The following NNT variants were observed in gnomAD, a reference collection of about 807,000 sequenced individuals.
NNT encodes the protein NAD(P) transhydrogenase, mitochondrial.
Under a neutral mutation model 104.8 loss-of-function variants are expected in NNT, and 50 were observed. The observed-to-expected ratio is 0.48, with a 90% CI of 0.38 to 0.60. The LOEUF (loss-of-function observed/expected upper bound fraction) is 0.60, where lower values mean the gene tolerates loss of function less well. Ranked by LOEUF, NNT falls within the 20% of genes least tolerant of loss-of-function variation. The pLI is 0.00. For synonymous variants in NNT, 461 were observed against 490.4 expected (o/e 0.94, Z 0.79); for missense variants, 1,131 against 1,330.7 (o/e 0.85, Z 2.33).
rs139704810 is a variant in NNT, at chr5:43,671,335, G to A, written c.2635-4176G>A. ...ATTTGATCCTGTTATTATGATGTTA[G>A]CTGGTTATTTTGCTCGTTAGTTGAT... On this transcript the variant is annotated intron_variant, in intron 17 of 21. Transcript: ENST00000344920. 3.8e-3 allele frequency among the ~76,000 whole-genome samples: 574 copies of A among 152,260 alleles called. 8 individuals carry two copies. Among genetic ancestry groups the A allele is most frequent in the African/African-American group, 0.013 (547 of 41,536 alleles).
At position 43,706,394 on chromosome 5, in the gene NNT, T is replaced by G. The variant is rs1743094738; in HGVS notation, c.*1990T>G. The G allele has an allele frequency of 1.3e-5, 2 of 151,838 alleles. No individual in the cohort carries two copies. Among genetic ancestry groups the G allele is most frequent in the African/African-American group, 4.8e-5 (2 of 41,414 alleles). The allele number at this position is 151,838 out of a possible 1,614,324, so 9.4% of individuals were successfully genotyped here. On this transcript the variant is annotated 3_prime_UTR_variant, in exon 22 of 22. Transcript: ENST00000344920. The stretch of plus-strand genomic sequence containing the variant: ...GATATGACTTATTTTATTTTTGTAT[T>G]ATTCACTATATCTTTATGATATTTA...
intron 17 of NNT, among the ~76,000 whole-genome samples, chr5:43,661,683 A>G (rs1044837576): frequency 1.6e-4 from 24 of 150,520 alleles, no homozygotes; most frequent in African/African-American, 5.7e-4. Flanking sequence ...TTCTTGTGAT[A>G]GTTTACTGAG....
chr5:43,672,541 G>T (rs929051796), intron 17 of NNT, among the ~76,000 whole-genome samples: 3 of 152,226 alleles, frequency 2.0e-5, no homozygotes, highest in South Asian at 2.1e-4. Flanking sequence ...GGAGTTTGCT[G>T]GAGGTCCACT....
chr5:43,694,179 G>A (rs998995805), intron 19 of NNT, among the ~76,000 whole-genome samples: 1 of 152,188 alleles, frequency 6.6e-6, no homozygotes, highest in African/African-American at 2.4e-5. Context: ...GAGCTTTGGG[G>A]CCAAGACTGT....
chr5:43,683,319 T>G (rs149698493), intron 19 of NNT, among the ~76,000 whole-genome samples: 80 of 152,362 alleles, frequency 5.3e-4, no homozygotes, highest in African/African-American at 1.9e-3. Context: ...TCCTAGAAAG[T>G]GGCCACCTTC....
intron 21 of NNT, 125 bp downstream of exon 21, chr5:43,702,861 G>A: frequency 1.6e-6 from 1 of 622,044 alleles, no homozygotes; most frequent in East Asian, 2.9e-5. Context: ...GTAAGAGCAT[G>A]TTTAGGGCCC....
chr5:43,674,019 C>CAA (rs71610324), intron 17 of NNT, among the ~76,000 whole-genome samples: 38 of 111,012 alleles, frequency 3.4e-4, no homozygotes, highest in East Asian at 3.4e-3. Flanking sequence ...GACTCCATCT[C>CAA]AAAAAAAAAA....
chr5:43,603,459 A>T (rs1350284860), intron 1 of NNT, among the ~76,000 whole-genome samples, 165 bp downstream of exon 1: 1 of 151,794 alleles, frequency 6.6e-6, no homozygotes, highest in Non-Finnish European at 1.5e-5. Context: ...CGCAGGGTGC[A>T]TTGGGGTGTC....
At chr5:43,677,388 G>T (rs1372479916) in intron 18 of NNT, among the ~76,000 whole-genome samples, 3 of 150,946 alleles carry the variant, frequency 2.0e-5, no homozygotes, top group Non-Finnish European at 4.4e-5. Context: ...TATGAAGAGA[G>T]TTTAAAAACA....
intron 19 of NNT, among the ~76,000 whole-genome samples, chr5:43,678,123 G>A (rs898823013): frequency 6.6e-6 from 1 of 152,202 alleles, no homozygotes. Context: ...TATTCCTTAA[G>A]TGGAAGTGGA....
intron 19 of NNT, among the ~76,000 whole-genome samples, chr5:43,697,263 G>A (rs1186364914): frequency 1.3e-5 from 2 of 152,146 alleles, no homozygotes; most frequent in African/African-American, 2.4e-5. Context: ...CTAGGGTGGG[G>A]TAAAATGCCG....
In NNT at chr5:43,694,491, G is replaced by C. The variant is rs144570380; in HGVS notation, c.2877-5628G>C. ...TTTAGTGAGAGTTTTTAACATGAAGGGATATTGAATTTTATTGAAAGCATT... is the reference window on the plus strand; with the variant it reads ...TTTAGTGAGAGTTTTTAACATGAAGCGATATTGAATTTTATTGAAAGCATT... On this transcript the variant is annotated intron_variant, in intron 19 of 21. Coordinates refer to ENST00000344920, the MANE Select transcript of NNT (RefSeq NM_182977.3). Among the ~76,000 whole-genome samples, 80 of 152,236 alleles carry C rather than the reference G, an allele frequency of 5.3e-4. No individual in the cohort carries two copies. In the East Asian group the frequency reaches 0.015, roughly 28 times the overall value.
At chr5:43,626,554 T>G (rs1750374277) in intron 6 of NNT, among the ~76,000 whole-genome samples, 1 of 152,144 alleles carries the variant, frequency 6.6e-6, no homozygotes, top group Non-Finnish European at 1.5e-5. Flanking sequence ...TTTTAAATTA[T>G]GAGATTATTT....
chr5:43,676,746 G>A (rs977045294), intron 18 of NNT, among the ~76,000 whole-genome samples: 1 of 152,242 alleles, frequency 6.6e-6, no homozygotes, highest in South Asian at 2.1e-4. Flanking sequence ...AGTCAGATAG[G>A]TAGATCAGTA....
At chr5:43,675,122 G>T (rs1741342863) in intron 17 of NNT, among the ~76,000 whole-genome samples, 1 of 152,138 alleles carries the variant, frequency 6.6e-6, no homozygotes, top group Non-Finnish European at 1.5e-5. Flanking sequence ...TTCACAGCTG[G>T]TATCTGTGAA....
At position 43,659,191 on chromosome 5, in the gene NNT, T is replaced by C; in HGVS notation, c.2475T>C (p.Ala825=). 1 of 1,611,302 alleles carries C rather than the reference T, an allele frequency of 6.2e-7. No homozygotes were observed. The highest frequency in any genetic ancestry group is 8.5e-7 in the Non-Finnish European group (1 of 1,178,704). The change falls in exon 17 of 22, where the codon GCT becomes GCC. Residue 825 remains alanine (A), a synonymous_variant. Transcript: ENST00000344920. The stretch of plus-strand genomic sequence containing the variant: ...TCTAGGGTGTGACTTTGACAGCTGC[T>C]ATTGGGGGTGCTGACATGCCCGTCG... The part of the protein sequence containing the change: ...SAVMGVTLTA[A]IGGADMPVVI...
intron 2 of NNT, among the ~76,000 whole-genome samples, chr5:43,611,902 A>C (rs1159092256): frequency 6.6e-6 from 1 of 152,200 alleles, no homozygotes; most frequent in Non-Finnish European, 1.5e-5. Context: ...TCTAAATATA[A>C]GATTGTACTA....
At chr5:43,619,902 C>T (rs1421801129) in intron 5 of NNT, among the ~76,000 whole-genome samples, 2 of 151,920 alleles carry the variant, frequency 1.3e-5, no homozygotes, top group Non-Finnish European at 2.9e-5. Context: ...AGGGAGCAGG[C>T]GTGTGCAAAA....
chr5:43,618,749 A>G (rs892531272), intron 4 of NNT, among the ~76,000 whole-genome samples: 8 of 152,280 alleles, frequency 5.3e-5, no homozygotes, highest in Admixed American at 1.3e-4. Context: ...TGGCTCTACC[A>G]TTTACTAGCT....
Sources: gnomAD v4.1 joint callset for allele counts (sites outside exome capture counted in the v4.1 genomes callset) on GRCh38, gnomAD v4.1.1 for gene constraint, MANE v1.5 for transcripts, NCBI Gene and HGNC (gene_info 2026-07-23, HGNC 2026-07-21) for gene names.